Variants in RGS11 observed in about 807,000 individuals in gnomAD.
The protein encoded by RGS11 is regulator of G protein signaling 11.
In RGS11, 86 loss-of-function variants were observed where a neutral mutation model predicts 71.1. That is an observed-to-expected ratio of 1.21 (90% confidence interval 1.02 to 1.45). The LOEUF (loss-of-function observed/expected upper bound fraction) is 1.45. RGS11 is among the 40% of genes most tolerant of loss of function. The pLI is 0.00. For missense variants in RGS11, 734 were observed against 635.1 expected (o/e 1.16, Z -1.67); for synonymous variants, 298 against 254.2 (o/e 1.17, Z -1.64).
At position 270,962 on chromosome 16, in the gene RGS11, G is replaced by A. The variant is rs368336573; in HGVS notation, c.979+22C>T. 4.0e-5 allele frequency: 64 copies of A among 1,590,348 alleles called. No homozygotes were observed. In the East Asian group the frequency reaches 6.5e-4, roughly 16 times the overall value. On this transcript the variant is annotated intron_variant, in intron 13 of 16. Coordinates refer to ENST00000397770, the MANE Select transcript of RGS11 (RefSeq NM_183337.3). The stretch of plus-strand genomic sequence containing the variant: ...CAGCAGCCTCCCCGCTGGGACTGGA[G>A]CAGGGGCTGGGGGGTTCTCACCACT...
intron 15 of RGS11, among the ~76,000 whole-genome samples, 172 bp downstream of exon 15, chr16:270,351 C>T (rs184152928): frequency 7.9e-5 from 12 of 152,336 alleles, no homozygotes; most frequent in Non-Finnish European, 1.6e-4. Context: ...GGGCTCAGGA[C>T]GGAACACTGA....
In RGS11 at chr16:275,470, T is replaced by A; in HGVS notation, c.92A>T (p.Asp31Val). ...CCGCATCTTCACGCCCTGGTCGGGG[T>A]CCTGCATGCTCACGACCACCCGCTC... ...KMERVVVSMQDPDQGVKMRSQ... is the reference protein window; with the variant it reads ...KMERVVVSMQVPDQGVKMRSQ... The change falls in exon 2 of 17, where the codon GAC (aspartate) becomes GTC (valine). Residue 31 changes from aspartate (D) to valine (V), a missense_variant. Asp to Val is a radical substitution (Grantham distance 152). Transcript: ENST00000397770. 6.3e-7 allele frequency: 1 copy of A among 1,587,676 alleles called. No homozygotes were observed. Among genetic ancestry groups the A allele is most frequent in the Non-Finnish European group, 8.5e-7 (1 of 1,174,646 alleles).
Position 268,710 on chromosome 16 carries a change from C to T in RGS11, c.*559G>A, listed in dbSNP as rs1362660297. The T allele has an allele frequency of 7.4e-6, 11 of 1,495,538 alleles. No individual in the cohort carries two copies. Among genetic ancestry groups the T allele is most frequent in the East Asian group, 2.5e-5 (1 of 40,316 alleles). 92.6% of individuals were successfully genotyped at this position (1,495,538 alleles called of 1,614,324 possible). A position where few individuals can be genotyped will look rare whatever the true frequency, so the allele number is the denominator to read the frequency against. On this transcript the variant is annotated 3_prime_UTR_variant, in exon 17 of 17. Coordinates refer to ENST00000397770, the MANE Select transcript of RGS11 (RefSeq NM_183337.3). Reference sequence around the variant, plus strand: ...ACGCGTTTGGCGAGGGAGGAATAGGCGCAGCTCCGGAAGGCAGTGACCTCG... The same window carrying T: ...ACGCGTTTGGCGAGGGAGGAATAGGTGCAGCTCCGGAAGGCAGTGACCTCG...
Position 269,863 on chromosome 16 carries a change from G to A in RGS11, c.1207-278C>T, listed in dbSNP as rs569588153. On this transcript the variant is annotated intron_variant, in intron 15 of 16. Coordinates refer to ENST00000397770, the MANE Select transcript of RGS11 (RefSeq NM_183337.3). ...CCGCGGCACCTCCTCAGCCATTAGC[G>A]GGAACCAGGAATGGCTCCGTGTGCC... 252 of 392,402 alleles carry A rather than the reference G, an allele frequency of 6.4e-4. 2 individuals are homozygous for A. In the South Asian group the frequency reaches 8.3e-3, roughly 13 times the overall value. The allele number at this position is 392,402 out of a possible 1,614,324, so 24.3% of individuals were successfully genotyped here.
chr16:269,260 C>T lies in RGS11; in HGVS notation c.*9G>A. The stretch of plus-strand genomic sequence containing the variant: ...TGCAGGGACTAGAGTGGCAGATGGG[C>T]CAGGTCCACTAGGCCACCCCATCTC... On this transcript the variant is annotated 3_prime_UTR_variant, in exon 17 of 17. Transcript: ENST00000397770. 6.5e-7 allele frequency: 1 copy of T among 1,539,980 alleles called. No homozygotes were observed. The highest frequency in any genetic ancestry group is 8.8e-7 in the Non-Finnish European group (1 of 1,134,768).
Position 273,465 on chromosome 16 carries a change from G to A in RGS11, c.588+10C>T. ...CCAGCGACCCCCACCCTCACCGCAG[G>A]TGGGCTCACCGGGGGCCTGTTCACC... On this transcript the variant is annotated intron_variant, in intron 8 of 16. Coordinates refer to ENST00000397770, the MANE Select transcript of RGS11 (RefSeq NM_183337.3). 2 of 1,547,008 alleles carry A rather than the reference G, an allele frequency of 1.3e-6. No homozygotes were observed. Among genetic ancestry groups the A allele is most frequent in the Non-Finnish European group, 1.7e-6 (2 of 1,145,348 alleles).
Position 268,586 on chromosome 16 carries a change from A to G in RGS11, c.*683T>C. 3.2e-6 allele frequency: 2 copies of G among 618,186 alleles called. No individual in the cohort carries two copies. Among genetic ancestry groups the G allele is most frequent in the South Asian group, 1.9e-5 (1 of 52,356 alleles). The allele number at this position is 618,186 out of a possible 1,614,324, so 38.3% of individuals were successfully genotyped here. ...CCACCCTATGGAATCGGGCCTCGTCAGTGGGGTGACAATGTCAGAGTTGTC... is the reference window on the plus strand; with the variant it reads ...CCACCCTATGGAATCGGGCCTCGTCGGTGGGGTGACAATGTCAGAGTTGTC... On this transcript the variant is annotated 3_prime_UTR_variant, in exon 17 of 17. Transcript: ENST00000397770.
At chr16:274,144 T>C in intron 5 of RGS11, 43 bp from the exon 6 acceptor site, 1 of 1,571,476 alleles carries the variant, frequency 6.4e-7, no homozygotes, top group Non-Finnish European at 8.6e-7. Flanking sequence ...AGCTCTGCCC[T>C]GCCTCACGGC....
Position 273,629 on chromosome 16 carries a change from AC to A in RGS11, c.507-74del, listed in dbSNP as rs1203368240. 5 of 1,498,132 alleles carry A rather than the reference AC, an allele frequency of 3.3e-6. No homozygotes were observed. The African/African-American group carries it at 6.9e-5, about 21-fold the overall frequency. 92.8% of individuals were successfully genotyped at this position (1,498,132 alleles called of 1,614,324 possible). On this transcript the variant is annotated intron_variant, in intron 7 of 16. Coordinates refer to ENST00000397770, the MANE Select transcript of RGS11 (RefSeq NM_183337.3). ...CCTCCGCCCCCACCCTCAGGCCTGG[AC>A]CTGGGCAGGCAGCCACACCCAGGGG...
chr16:274,858 G>A (rs1005245903), intron 4 of RGS11, 118 bp downstream of exon 4: 7 of 1,371,352 alleles, frequency 5.1e-6, no homozygotes, highest in Non-Finnish European at 7.0e-6. Flanking sequence ...ACGGCGACAT[G>A]GCGGAGTCCC....
In RGS11 at chr16:268,622, G is replaced by C. The variant is rs1398405208; in HGVS notation, c.*647C>G. 19 of 692,188 alleles carry C rather than the reference G, an allele frequency of 2.7e-5. No individual in the cohort carries two copies. Among genetic ancestry groups the C allele is most frequent in the Admixed American group, 2.4e-4 (10 of 41,278 alleles). 42.9% of individuals were successfully genotyped at this position (692,188 alleles called of 1,614,324 possible). ...AATGTCAGAGTTGTCTATAAATCGG[G>C]GGGGAGGCCGCGGCCTCGAGGTGGG... On this transcript the variant is annotated 3_prime_UTR_variant, in exon 17 of 17. Coordinates refer to ENST00000397770, the MANE Select transcript of RGS11 (RefSeq NM_183337.3).
chr16:273,044 G>T, intron 8 of RGS11, 113 bp from the exon 9 acceptor site: 1 of 1,035,846 alleles, frequency 9.7e-7, no homozygotes. Context: ...AAAGGAACTC[G>T]GGAAGAGTCC....
chr16:271,819 C>T (rs1179018640), intron 9 of RGS11: 2 of 574,752 alleles, frequency 3.5e-6, no homozygotes, highest in Non-Finnish European at 6.2e-6. Flanking sequence ...AAAGTTGCAA[C>T]TGTAATATGT....
rs2051940720 is a variant in RGS11, at chr16:271,530, C to T, written c.687+10G>A. The T allele has an allele frequency of 6.2e-7, 1 of 1,613,998 alleles. No homozygotes were observed. Among genetic ancestry groups the T allele is most frequent in the Middle Eastern group, 1.6e-4 (1 of 6,062 alleles). ...ACCTGGCACCCTCCACTCCCAGCTC[C>T]AGAACTTACCTCCCGCTTATGGAAA... is the stretch of plus-strand genomic sequence containing the variant. On this transcript the variant is annotated intron_variant, in intron 10 of 16. Coordinates refer to ENST00000397770, the MANE Select transcript of RGS11 (RefSeq NM_183337.3).
At position 269,519 on chromosome 16, in the gene RGS11, G is replaced by A. The variant is rs756268925; in HGVS notation, c.1273C>T (p.Leu425=). The A allele has an allele frequency of 1.1e-5, 17 of 1,613,128 alleles. No individual in the cohort carries two copies. Among genetic ancestry groups the A allele is most frequent in the Non-Finnish European group, 1.4e-5 (17 of 1,179,922 alleles). Residue 425 remains leucine (L), a synonymous_variant, in exon 16 of 17, where the codon CTG becomes TTG. Coordinates refer to ENST00000397770, the MANE Select transcript of RGS11 (RefSeq NM_183337.3). The part of the protein sequence containing the change: ...KALLAEAGIP[L]EMKRRVFPFT... ...TGGGCTCACCGTCTCTTCATCTCCA[G>A]CGGGATCCCAGCCTCTGCCAGGAGG...
At chr16:269,655 G>A in intron 15 of RGS11, 70 bp from the exon 16 acceptor site, 2 of 1,248,070 alleles carry the variant, frequency 1.6e-6, no homozygotes, top group East Asian at 2.4e-5. Context: ...ACCCGAAGGA[G>A]CAGCCAAACA....
In RGS11 at chr16:268,959, C is replaced by T. The variant is rs1197646266; in HGVS notation, c.*310G>A. 6.5e-7 allele frequency: 1 copy of T among 1,548,380 alleles called. No individual in the cohort carries two copies. The highest frequency in any genetic ancestry group is 8.7e-7 in the Non-Finnish European group (1 of 1,145,168). ...TGGGCACCCAGTGCTGGACTGAAGA[C>T]CAGAGAAGGTGGAGCTCCCTGTGGC... On this transcript the variant is annotated 3_prime_UTR_variant, in exon 17 of 17. Coordinates refer to ENST00000397770, the MANE Select transcript of RGS11 (RefSeq NM_183337.3).
At position 268,742 on chromosome 16, in the gene RGS11, C is replaced by T; in HGVS notation, c.*527G>A. 2 of 1,542,634 alleles carry T rather than the reference C, an allele frequency of 1.3e-6. No homozygotes were observed. The highest frequency in any genetic ancestry group is 8.8e-7 in the Non-Finnish European group (1 of 1,142,788). ...CCGGAAGGCAGTGACCTCGAGGCAGCCTCAGCACGGCACTCTCTTGGGTCC... is the reference window on the plus strand; with the variant it reads ...CCGGAAGGCAGTGACCTCGAGGCAGTCTCAGCACGGCACTCTCTTGGGTCC... On this transcript the variant is annotated 3_prime_UTR_variant, in exon 17 of 17. Coordinates refer to ENST00000397770, the MANE Select transcript of RGS11 (RefSeq NM_183337.3).
Position 268,950 on chromosome 16 carries a change from G to A in RGS11, c.*319C>T. The A allele has an allele frequency of 1.3e-6, 2 of 1,550,140 alleles. No individual in the cohort carries two copies. The highest frequency in any genetic ancestry group is 2.7e-5 in the African/African-American group (2 of 73,158). ...AGATGGGGATGGGCACCCAGTGCTGGACTGAAGACCAGAGAAGGTGGAGCT... is the reference window on the plus strand; with the variant it reads ...AGATGGGGATGGGCACCCAGTGCTGAACTGAAGACCAGAGAAGGTGGAGCT... On this transcript the variant is annotated 3_prime_UTR_variant, in exon 17 of 17. Coordinates refer to ENST00000397770, the MANE Select transcript of RGS11 (RefSeq NM_183337.3).
Sources: gnomAD v4.1 joint callset for allele counts (sites outside exome capture counted in the v4.1 genomes callset) on GRCh38, gnomAD v4.1.1 for gene constraint, MANE v1.5 for transcripts, NCBI Gene and HGNC (gene_info 2026-07-23, HGNC 2026-07-21) for gene names.